SPDYE3: variants seen among roughly 807,000 people sequenced by gnomAD.
SPDYE3 encodes speedy/RINGO cell cycle regulator family member E3, also known as speedy protein E3.
In SPDYE3, 15 loss-of-function variants were observed where a neutral mutation model predicts 55.0. That is an observed-to-expected ratio of 0.27 (90% CI 0.18 to 0.42). SPDYE3 has a LOEUF of 0.42. SPDYE3 is among the 10% of genes least tolerant of loss of function. The probability of loss-of-function intolerance (pLI) is 1.00; values close to 1 mark genes in which losing one functional copy is unlikely to be tolerated. For missense variants in SPDYE3, 236 were observed against 576.7 expected, an observed-to-expected ratio of 0.41 and a Z score of 6.05; for synonymous variants, 89 against 229.9, an observed-to-expected ratio of 0.39 and a Z score of 5.55.
chr7:100,308,010 G>A lies in SPDYE3; in HGVS notation c.106+19G>A. ...CCATCAGGTGAGGGGACTGGAGGAAGAAGAGGTGGCATAGGATTGACTAAG... is the reference window on the plus strand; with the variant it reads ...CCATCAGGTGAGGGGACTGGAGGAAAAAGAGGTGGCATAGGATTGACTAAG... On this transcript the variant is annotated intron_variant, in intron 1 of 10. Transcript: ENST00000332397. The A allele has an allele frequency of 6.5e-7, 1 of 1,537,634 alleles. No individual in the cohort carries two copies. Among genetic ancestry groups the A allele is most frequent in the Non-Finnish European group, 8.7e-7 (1 of 1,148,028 alleles).
intron 4 of SPDYE3, among the ~76,000 whole-genome samples, chr7:100,312,251 G>C (rs1805979755): frequency 7.0e-6 from 1 of 141,872 alleles, no homozygotes; most frequent in African/African-American, 2.7e-5. Context: ...CAAGAGGATT[G>C]CTTGAACTCA....
chr7:100,315,901 C>T (rs1453899310), intron 7 of SPDYE3, 58 bp downstream of exon 7: 68 of 1,595,666 alleles, frequency 4.3e-5, no homozygotes, highest in Middle Eastern at 2.2e-4. Flanking sequence ...AGGGGGAGGG[C>T]GCAGCTTCCA....
intron 8 of SPDYE3, among the ~76,000 whole-genome samples, chr7:100,317,951 G>A (rs767841556): frequency 1.4e-5 from 2 of 147,452 alleles, no homozygotes; most frequent in Admixed American, 6.8e-5. Context: ...ACTCCAGCCT[G>A]GGCGACAGAA....
chr7:100,321,758 CTATTT>C lies in SPDYE3; in HGVS notation c.*918_*922del, dbSNP rs1789584806. ...TACTAACATGTCTAATATATACTAT[CTATTT>C]TATTGATTTATTTCGAAAAAGATGG... On this transcript the variant is annotated 3_prime_UTR_variant, in exon 11 of 11. Coordinates refer to ENST00000332397, the MANE Select transcript of SPDYE3 (RefSeq NM_001004351.5). 1 of 148,808 alleles carries C rather than the reference CTATTT, an allele frequency of 6.7e-6. No homozygotes were observed. Among genetic ancestry groups the C allele is most frequent in the African/African-American group, 2.5e-5 (1 of 40,740 alleles). The allele number at this position is 148,808 out of a possible 1,614,324, so 9.2% of individuals were successfully genotyped here.
chr7:100,322,062 G>C lies in SPDYE3; in HGVS notation c.*1217G>C, dbSNP rs1249367263. On this transcript the variant is annotated 3_prime_UTR_variant, in exon 11 of 11. Coordinates refer to ENST00000332397, the MANE Select transcript of SPDYE3 (RefSeq NM_001004351.5). ...CTAAATCTTTTACCTTTCAATCTTT[G>C]TATCTATTACTACATATGCTGCTGA... The C allele has an allele frequency of 6.6e-6, 1 of 151,600 alleles. No homozygotes were observed. Among genetic ancestry groups the C allele is most frequent in the Non-Finnish European group, 1.5e-5 (1 of 67,916 alleles). The allele number at this position is 151,600 out of a possible 1,614,324, so 9.4% of individuals were successfully genotyped here.
intron 8 of SPDYE3, among the ~76,000 whole-genome samples, chr7:100,319,078 T>C (rs1244996716): frequency 6.6e-6 from 1 of 151,850 alleles, no homozygotes; most frequent in Admixed American, 6.6e-5. Flanking sequence ...ACCAGGCTGA[T>C]TTTTGTATTT....
chr7:100,320,987 A>G lies in SPDYE3; in HGVS notation c.*142A>G, dbSNP rs970830588. The G allele has an allele frequency of 8.3e-7, 1 of 1,203,320 alleles. No homozygotes were observed. Among genetic ancestry groups the G allele is most frequent in the African/African-American group, 1.5e-5 (1 of 64,618 alleles). The allele number at this position is 1,203,320 out of a possible 1,614,324, so 74.5% of individuals were successfully genotyped here. A position where few individuals can be genotyped will look rare whatever the true frequency, so the allele number is the denominator to read the frequency against. On this transcript the variant is annotated 3_prime_UTR_variant, in exon 11 of 11. Coordinates refer to ENST00000332397, the MANE Select transcript of SPDYE3 (RefSeq NM_001004351.5). ...AGGAGGAGAGGAGCCATTTGTGCAG[A>G]TCATCTAGAAGAACCTGGACCATTC...
chr7:100,315,837 A>G lies in SPDYE3; in HGVS notation c.1254A>G (p.Ser418=), dbSNP rs201349757. ...FLAWDKDLRV[S]DKYLLAMVIA... ...CCTGGGACAAAGATCTGAGGGTGTC[A>G]GACAAGGTAAGGTTGTTCTCTATGT... is the stretch of plus-strand genomic sequence containing the variant. Residue 418 remains serine (S), a synonymous_variant, in exon 7 of 11, where the codon TCA becomes TCG. Transcript: ENST00000332397. 117 of 1,600,232 alleles carry G rather than the reference A, an allele frequency of 7.3e-5. No homozygotes were observed. The highest frequency in any genetic ancestry group is 2.2e-4 in the Middle Eastern group (1 of 4,552).
At chr7:100,316,364 A>G (rs1220480852) in intron 7 of SPDYE3, among the ~76,000 whole-genome samples, 3 of 152,176 alleles carry the variant, frequency 2.0e-5, no homozygotes, top group African/African-American at 7.2e-5. Context: ...TGGCATGATC[A>G]TAGCTCACTC....
chr7:100,312,880 C>CAAAA (rs71517116), intron 4 of SPDYE3, among the ~76,000 whole-genome samples: 105 of 125,766 alleles, frequency 8.3e-4, no homozygotes, highest in Non-Finnish European at 1.5e-3. Flanking sequence ...TGTCTCGAAA[C>CAAAA]AAAAAAAAAA....
intron 10 of SPDYE3, 137 bp downstream of exon 10, chr7:100,320,172 G>A (rs1789546477): frequency 1.3e-6 from 2 of 1,483,762 alleles, no homozygotes; most frequent in Admixed American, 2.2e-5. Context: ...ACAAAAATTA[G>A]CCAGGCGATG....
intron 7 of SPDYE3, 32 bp downstream of exon 7, chr7:100,315,875 G>C: frequency 6.3e-7 from 1 of 1,598,936 alleles, no homozygotes; most frequent in Non-Finnish European, 8.5e-7. Context: ...CTGTGTTCCT[G>C]TTCTAACGCA....
At chr7:100,319,870 G>T (rs1017516175) in intron 9 of SPDYE3, 61 bp from the exon 10 acceptor site, 4 of 1,613,506 alleles carry the variant, frequency 2.5e-6, no homozygotes, top group Admixed American at 1.7e-5. Context: ...GAGGCTGGAC[G>T]AGGGGAGAGA....
At chr7:100,320,335 C>T in intron 10 of SPDYE3, 1 of 1,072,386 alleles carries the variant, frequency 9.3e-7, no homozygotes, top group Non-Finnish European at 1.2e-6. Flanking sequence ...ATCATAAATA[C>T]TGAGTTCGGG....
At chr7:100,309,664 T>C (rs1199289491) in intron 2 of SPDYE3, among the ~76,000 whole-genome samples, 1 of 115,076 alleles carries the variant, frequency 8.7e-6, no homozygotes, top group Non-Finnish European at 1.8e-5. Context: ...GAGGGTGCAG[T>C]GAGCCGAGAT....
chr7:100,315,040 C>T (rs1340870434), intron 6 of SPDYE3, among the ~76,000 whole-genome samples: 2 of 149,414 alleles, frequency 1.3e-5, no homozygotes, highest in Middle Eastern at 3.2e-3. Context: ...ATTGCTTGAA[C>T]TCAGGACTTT....
chr7:100,316,452 G>T (rs3991508), intron 7 of SPDYE3, among the ~76,000 whole-genome samples: 2 of 152,132 alleles, frequency 1.3e-5, no homozygotes, highest in African/African-American at 4.8e-5. Context: ...CATGCTCAAC[G>T]AATTTTTGAA....
At chr7:100,316,967 C>G (rs1057288188) in intron 7 of SPDYE3, 103 bp from the exon 8 acceptor site, 6 of 1,567,620 alleles carry the variant, frequency 3.8e-6, no homozygotes, top group Non-Finnish European at 5.3e-6. Flanking sequence ...GAGGTCCCTT[C>G]TCTGATGGGC....
chr7:100,315,278 C>T (rs1806073887), intron 6 of SPDYE3, among the ~76,000 whole-genome samples: 1 of 151,874 alleles, frequency 6.6e-6, no homozygotes, highest in Admixed American at 6.6e-5. Context: ...GACTCTGTCT[C>T]AAAATAAATT....
Sources: allele counts gnomAD v4.1 joint callset (sites outside exome capture counted in the v4.1 genomes callset), GRCh38; gene constraint gnomAD v4.1.1; transcripts MANE v1.5; gene names NCBI Gene and HGNC (gene_info 2026-07-23, HGNC 2026-07-21).